The following NALF1 variants were observed in gnomAD, a reference collection of about 807,000 sequenced individuals.
NALF1 encodes family with sequence similarity 155 member A.
NALF1 carries 3 observed loss-of-function variants against 48.4 expected under a neutral mutation model. That is an observed-to-expected ratio of 0.06 (90% CI 0.03 to 0.16). NALF1 has a LOEUF of 0.16. Among genes scored for constraint, NALF1 ranks in the 10% least tolerant of loss-of-function variants. The pLI, the probability that NALF1 is intolerant of heterozygous loss-of-function variation, is 1.00. For missense variants in NALF1, 526 were observed against 571.5 expected (o/e 0.92, Z 0.81); for synonymous variants, 262 against 245.7 (o/e 1.07, Z -0.62).
rs1881476658 is a variant in NALF1 at position 107,285,538 on chromosome 13, T to C, written c.916-74783A>G. Among the ~76,000 whole-genome samples, 3 of 152,218 alleles carry C rather than the reference T, an allele frequency of 2.0e-5. 1 individual carries two copies. Among genetic ancestry groups the C allele is most frequent in the Non-Finnish European group, 4.4e-5 (3 of 68,044 alleles). ...CCACTGTGTACACTTGTACACCATATAGACATCAAGTCAAATGGAACTGAA... is the reference window on the plus strand; with the variant it reads ...CCACTGTGTACACTTGTACACCATACAGACATCAAGTCAAATGGAACTGAA... On this transcript the variant is annotated intron_variant, in intron 1 of 2. Coordinates refer to ENST00000375915, the MANE Select transcript of NALF1 (RefSeq NM_001080396.3).
chr13:107,794,471 G>GT (rs10649905), intron 1 of NALF1, among the ~76,000 whole-genome samples: 22,215 of 142,730 alleles, frequency 0.16, 1,828 homozygotes, highest in African/African-American at 0.21. Flanking sequence ...AGCATGCAGT[G>GT]TTTTTTTTTT....
intron 1 of NALF1, among the ~76,000 whole-genome samples, chr13:107,286,463 T>C (rs1881494472): frequency 6.6e-6 from 1 of 150,718 alleles, no homozygotes; most frequent in Non-Finnish European, 1.5e-5. Context: ...TGAAACCCCA[T>C]CTCTATTAAA....
intron 1 of NALF1, among the ~76,000 whole-genome samples, chr13:107,579,451 C>G (rs185719968): frequency 7.9e-5 from 12 of 152,274 alleles, no homozygotes; most frequent in African/African-American, 2.9e-4. Context: ...TGTGCCCCCT[C>G]CTTATGTGGT....
At position 107,432,749 on chromosome 13, in the gene NALF1, T is replaced by G. The variant is rs182853893; in HGVS notation, c.916-221994A>C. 1.4e-3 allele frequency among the ~76,000 whole-genome samples: 211 copies of G among 152,322 alleles called. No individual in the cohort carries two copies. In the Middle Eastern group the frequency reaches 0.017, roughly 12 times the overall value. ...GGTCTCATGTTCCCATAGTCATGTC[T>G]GGTCCCAGCCTGTTACCTATGCTAT... On this transcript the variant is annotated intron_variant, in intron 1 of 2. Transcript: ENST00000375915.
chr13:107,498,048 C>CAT (rs113133463), intron 1 of NALF1, among the ~76,000 whole-genome samples: 59,705 of 151,654 alleles, frequency 0.39, 12,507 homozygotes, highest in African/African-American at 0.54. Context: ...AAGCTAATAA[C>CAT]GTGATATTTT....
At chr13:107,481,262 C>A (rs1423165158) in intron 1 of NALF1, among the ~76,000 whole-genome samples, 1 of 152,086 alleles carries the variant, frequency 6.6e-6, no homozygotes, top group African/African-American at 2.4e-5. Flanking sequence ...GATTCCATAT[C>A]ATGAAAAATC....
chr13:107,307,894 G>C (rs1881968409), intron 1 of NALF1, among the ~76,000 whole-genome samples: 1 of 152,118 alleles, frequency 6.6e-6, no homozygotes, highest in Non-Finnish European at 1.5e-5. Flanking sequence ...TACAAATATT[G>C]TAAGTGGATA....
intron 1 of NALF1, among the ~76,000 whole-genome samples, chr13:107,418,652 A>G (rs1884134448): frequency 6.6e-6 from 1 of 152,068 alleles, no homozygotes; most frequent in Non-Finnish European, 1.5e-5. Context: ...CTCATTGCCC[A>G]GGTAATGGAA....
intron 1 of NALF1, among the ~76,000 whole-genome samples, chr13:107,308,617 ACTGT>A (rs1223635957): frequency 1.3e-5 from 2 of 152,174 alleles, no homozygotes; most frequent in Admixed American, 6.5e-5. Context: ...TTACAAATAG[ACTGT>A]CTATGTTTCT....
At chr13:107,773,721 G>GC (rs1336799458) in intron 1 of NALF1, among the ~76,000 whole-genome samples, 2 of 41,162 alleles carry the variant, frequency 4.9e-5, no homozygotes, top group Non-Finnish European at 8.4e-5. Context: ...GCACACCAGG[G>GC]ACTGTTGTGG....
chr13:107,864,195 GAT>G (rs1880650111), intron 1 of NALF1, among the ~76,000 whole-genome samples: 1 of 152,134 alleles, frequency 6.6e-6, no homozygotes, highest in African/African-American at 2.4e-5. Flanking sequence ...TAAAAAAATA[GAT>G]AAAAAAGTTT....
chr13:107,805,682 T>A (rs1346804101), intron 1 of NALF1, among the ~76,000 whole-genome samples: 2 of 152,234 alleles, frequency 1.3e-5, no homozygotes, highest in African/African-American at 4.8e-5. Context: ...CTTTATTTAA[T>A]CCTATGTGCG....
intron 1 of NALF1, among the ~76,000 whole-genome samples, chr13:107,678,637 T>C (rs1001331386): frequency 1.4e-4 from 21 of 152,214 alleles, no homozygotes; most frequent in Non-Finnish European, 2.8e-4. Flanking sequence ...AGAGATTTCA[T>C]TGACTCACAG....
At position 107,373,677 on chromosome 13, in the gene NALF1, T is replaced by G. The variant is rs140593176; in HGVS notation, c.916-162922A>C. Among the ~76,000 whole-genome samples, 104 of 152,354 alleles carry G rather than the reference T, an allele frequency of 6.8e-4. No homozygotes were observed. In the East Asian group the frequency reaches 0.018, roughly 27 times the overall value. On this transcript the variant is annotated intron_variant, in intron 1 of 2. Coordinates refer to ENST00000375915, the MANE Select transcript of NALF1 (RefSeq NM_001080396.3). ...CGCCTTTCTAAGCATCAACCTGGTCTCTGAAATAGCCACAAGAGGGCAACA... is the reference window on the plus strand; with the variant it reads ...CGCCTTTCTAAGCATCAACCTGGTCGCTGAAATAGCCACAAGAGGGCAACA...
intron 1 of NALF1, among the ~76,000 whole-genome samples, chr13:107,838,538 G>A (rs940126046): frequency 2.6e-5 from 4 of 152,116 alleles, no homozygotes; most frequent in Non-Finnish European, 5.9e-5. Flanking sequence ...TGTGTCGTAC[G>A]TAACAGGTAA....
intron 1 of NALF1, among the ~76,000 whole-genome samples, chr13:107,633,014 T>A (rs767790180): frequency 1.3e-5 from 2 of 151,842 alleles, no homozygotes; most frequent in African/African-American, 4.8e-5. Context: ...AAGTAAGACA[T>A]GATGCATTTT....
At chr13:107,192,578 T>C (rs925232179) in intron 2 of NALF1, among the ~76,000 whole-genome samples, 1 of 152,224 alleles carries the variant, frequency 6.6e-6, no homozygotes, top group African/African-American at 2.4e-5. Context: ...GCTAGCTAAC[T>C]TCCTCACATT....
At chr13:107,210,540 A>G (rs766063502) in intron 2 of NALF1, 44 bp downstream of exon 2, 1 of 1,409,312 alleles carries the variant, frequency 7.1e-7, no homozygotes, top group Non-Finnish European at 1.0e-6. Context: ...CAAGAAAGCA[A>G]AACCACCGGA....
At chr13:107,459,184 C>T (rs1166261273) in intron 1 of NALF1, among the ~76,000 whole-genome samples, 1 of 151,900 alleles carries the variant, frequency 6.6e-6, no homozygotes, top group Non-Finnish European at 1.5e-5. Context: ...GTATCCAGTT[C>T]CAAAATATAC....
Sources: gnomAD v4.1 joint callset for allele counts (sites outside exome capture counted in the v4.1 genomes callset) on GRCh38, gnomAD v4.1.1 for gene constraint, MANE v1.5 for transcripts, NCBI Gene and HGNC (gene_info 2026-07-23, HGNC 2026-07-21) for gene names.